Variants in DMD observed in about 807,000 individuals in gnomAD.
The protein encoded by DMD is mutant dystrophin.
DMD carries 63 observed loss-of-function variants against 330.1 expected under a neutral mutation model. That is an observed-to-expected ratio of 0.19 (90% CI 0.16 to 0.24). The LOEUF (loss-of-function observed/expected upper bound fraction) is 0.24, where lower values mean the gene tolerates loss of function less well. Ranked by LOEUF, DMD falls within the 10% of genes least tolerant of loss-of-function variation. DMD has a pLI of 1.00. For synonymous variants in DMD, 1,223 were observed against 959.8 expected, an observed-to-expected ratio of 1.27 and a Z score of -5.07; for missense variants, 3,344 against 2,684.1, an observed-to-expected ratio of 1.25 and a Z score of -5.43.
intron 45 of DMD, among the ~76,000 whole-genome samples, chrX:31,954,799 G>C (rs761794262): frequency 7.3e-5 from 8 of 109,997 alleles, no homozygotes; most frequent in African/African-American, 2.6e-4. Flanking sequence ...CCACTGAACT[G>C]TATACTTAAA....
At chrX:32,355,068 A>C (rs1440279544) in intron 37 of DMD, among the ~76,000 whole-genome samples, 1 of 111,532 alleles carries the variant, frequency 9.0e-6, no homozygotes, top group African/African-American at 3.3e-5. Context: ...GTTGTTTTCC[A>C]GTTTTATTTC....
At chrX:31,710,463 G>A (rs1750887310) in intron 52 of DMD, among the ~76,000 whole-genome samples, 1 of 110,898 alleles carries the variant, frequency 9.0e-6, no homozygotes, top group Admixed American at 9.6e-5. Context: ...AGGTCATCTA[G>A]AATAGTAAAG....
chrX:32,920,122 T>C (rs1045310181), intron 2 of DMD, among the ~76,000 whole-genome samples: 2 of 111,811 alleles, frequency 1.8e-5, no homozygotes, highest in Non-Finnish European at 3.8e-5. Context: ...ATCACTATTA[T>C]GTAATAGTCA....
intron 55 of DMD, among the ~76,000 whole-genome samples, chrX:31,537,128 G>T (rs770158728): frequency 8.9e-6 from 1 of 111,990 alleles, no homozygotes; most frequent in Non-Finnish European, 1.9e-5. Flanking sequence ...CTTGCATAAA[G>T]GTTGTCAATA....
At chrX:32,882,677 A>T (rs2084076827) in intron 2 of DMD, among the ~76,000 whole-genome samples, 1 of 112,527 alleles carries the variant, frequency 8.9e-6, no homozygotes, top group South Asian at 3.6e-4. Context: ...CAGTTGTATT[A>T]GAGTCAAAAA....
chrX:32,163,865 T>C (rs758005893), intron 44 of DMD, among the ~76,000 whole-genome samples: 2 of 111,734 alleles, frequency 1.8e-5, no homozygotes, highest in Non-Finnish European at 3.8e-5. Flanking sequence ...TCTTTCTTAA[T>C]ACTTTTGCAA....
intron 67 of DMD, among the ~76,000 whole-genome samples, chrX:31,200,408 A>G (rs2043319418): frequency 8.9e-6 from 1 of 111,793 alleles, no homozygotes; most frequent in South Asian, 3.8e-4. Flanking sequence ...GGCGCAAATA[A>G]ATTATTCATC....
chrX:33,238,688 T>G (rs927147388), intron 1 of DMD, among the ~76,000 whole-genome samples: 3 of 111,794 alleles, frequency 2.7e-5, no homozygotes, highest in African/African-American at 9.8e-5. Flanking sequence ...TGAGATTTAG[T>G]AAGTTTTTTG....
rs141610231 is a variant in DMD at position 32,788,198 on chromosome X, A to G, written c.649+21295T>C. 3.1e-4 allele frequency among the ~76,000 whole-genome samples: 35 copies of G among 112,127 alleles called. No homozygotes were observed. The South Asian group carries it at 8.1e-3, about 26-fold the overall frequency. Reference sequence around the variant, plus strand: ...ACTTATTTTCTTAGGATTAAGAGTTAAGATAATAGTAGAATTTCTTGTCAC... The same window carrying G: ...ACTTATTTTCTTAGGATTAAGAGTTGAGATAATAGTAGAATTTCTTGTCAC... On this transcript the variant is annotated intron_variant, in intron 7 of 78. Transcript: ENST00000357033.
chrX:31,588,146 T>C (rs1603408825), intron 55 of DMD, among the ~76,000 whole-genome samples: 1 of 112,021 alleles, frequency 8.9e-6, no homozygotes, highest in African/African-American at 3.2e-5. Flanking sequence ...TCTGTGTATT[T>C]ATAATGTTTT....
chrX:31,349,967 GTGTATATCC>G (rs2058302388), intron 60 of DMD, among the ~76,000 whole-genome samples: 2 of 111,782 alleles, frequency 1.8e-5, no homozygotes, highest in African/African-American at 6.5e-5. Context: ...TAAGTGCCTA[GTGTATATCC>G]AGAACAATCT....
chrX:32,361,567 T>C (rs2097834813), intron 37 of DMD, among the ~76,000 whole-genome samples: 1 of 111,857 alleles, frequency 8.9e-6, no homozygotes, highest in Admixed American at 9.5e-5. Context: ...GAAGGGTAAC[T>C]GTGTCTCATG....
intron 2 of DMD, among the ~76,000 whole-genome samples, chrX:32,912,030 GGA>G (rs58167255): frequency 0.11 from 6,786 of 64,508 alleles, 366 homozygotes; most frequent in African/African-American, 0.26. Flanking sequence ...GGAGAGAAGG[GGA>G]GAGAGAGAGA....
intron 42 of DMD, among the ~76,000 whole-genome samples, chrX:32,301,459 T>C (rs765223236): frequency 8.1e-5 from 9 of 110,475 alleles, no homozygotes; most frequent in African/African-American, 2.6e-4. Flanking sequence ...TTTAATGATA[T>C]ATATTAATAT....
chrX:31,363,341 T>C (rs1048424307), intron 60 of DMD, among the ~76,000 whole-genome samples: 1 of 106,210 alleles, frequency 9.4e-6, no homozygotes, highest in Non-Finnish European at 1.9e-5. Flanking sequence ...AAGGTTTCCG[T>C]GGCCTCTTTC....
At chrX:32,070,167 A>T (rs1199601526) in intron 44 of DMD, among the ~76,000 whole-genome samples, 1 of 110,795 alleles carries the variant, frequency 9.0e-6, no homozygotes, top group Admixed American at 9.6e-5. Flanking sequence ...ATTCAGGCCA[A>T]TCGGATGGCT....
intron 1 of DMD, among the ~76,000 whole-genome samples, chrX:33,190,950 A>T (rs868413773): frequency 1.2e-3 from 1 of 814 alleles, no homozygotes; most frequent in Non-Finnish European, 3.4e-3. Flanking sequence ...ATAATATATA[A>T]TATTATATAT....
At chrX:32,916,092 C>T (rs763767527) in intron 2 of DMD, among the ~76,000 whole-genome samples, 24 of 110,878 alleles carry the variant, frequency 2.2e-4, no homozygotes, top group Non-Finnish European at 3.6e-4. Flanking sequence ...GTATATTTTG[C>T]CTATTTTAGA....
chrX:32,714,582 C>T (rs904724065), intron 7 of DMD, among the ~76,000 whole-genome samples: 3 of 111,350 alleles, frequency 2.7e-5, no homozygotes, highest in Non-Finnish European at 3.8e-5. Context: ...CTTGATTCCA[C>T]GATTTTGCTA....
Sources: allele counts gnomAD v4.1 joint callset (sites outside exome capture counted in the v4.1 genomes callset), GRCh38; gene constraint gnomAD v4.1.1; transcripts MANE v1.5; gene names NCBI Gene and HGNC (gene_info 2026-07-23, HGNC 2026-07-21).